CACNA1C: variants seen among roughly 807,000 people sequenced by gnomAD.
CACNA1C encodes voltage-dependent L-type calcium channel subunit alpha-1C.
CACNA1C carries 30 observed loss-of-function variants against 229.0 expected under a neutral mutation model. The observed-to-expected ratio is 0.13, with a 90% CI of 0.10 to 0.18. The LOEUF (loss-of-function observed/expected upper bound fraction) is 0.18. Among genes scored for constraint, CACNA1C ranks in the 10% least tolerant of loss-of-function variants. CACNA1C has a pLI of 1.00. For missense variants in CACNA1C, 1,658 were observed against 2,845.0 expected (o/e 0.58, Z 9.49); for synonymous variants, 1,114 against 1,132.5 (o/e 0.98, Z 0.33).
chr12:1,974,686 G>A (rs16928981), intron 1 of CACNA1C, among the ~76,000 whole-genome samples: 2,300 of 152,066 alleles, frequency 0.015, 58 homozygotes, highest in African/African-American at 0.053. Context: ...TATTCTAGTC[G>A]CGTTTGATAA....
chr12:2,226,441 CCT>C (rs1241733965), intron 3 of CACNA1C, among the ~76,000 whole-genome samples: 15 of 152,208 alleles, frequency 9.9e-5, no homozygotes, highest in African/African-American at 3.6e-4. Context: ...ACTGTAATAC[CCT>C]GACTTTCTCT....
chr12:2,504,419 T>A lies in CACNA1C; in HGVS notation c.1114-423T>A. On this transcript the variant is annotated intron_variant, in intron 7 of 46. Coordinates refer to ENST00000399655, the MANE Select transcript of CACNA1C (RefSeq NM_000719.7). This position sits in a 1 kb window ranked among gnomAD's most constrained non-coding sequence, Gnocchi z 6.8. ...CAATTCTGCTTCTTCTTTCCTAACTTTCCTTCGTCTTTCCAGATGCAGGAC... is the reference window on the plus strand; with the variant it reads ...CAATTCTGCTTCTTCTTTCCTAACTATCCTTCGTCTTTCCAGATGCAGGAC... 1 of 1,466,630 alleles carries A rather than the reference T, an allele frequency of 6.8e-7. No individual in the cohort carries two copies. Among genetic ancestry groups the A allele is most frequent in the South Asian group, 1.1e-5 (1 of 87,998 alleles). The allele number at this position is 1,466,630 out of a possible 1,614,324, so 90.9% of individuals were successfully genotyped here.
At chr12:2,452,250 T>C (rs1298962706) in intron 4 of CACNA1C, among the ~76,000 whole-genome samples, 1 of 151,962 alleles carries the variant, frequency 6.6e-6, no homozygotes, top group Admixed American at 6.6e-5. Flanking sequence ...GGCATTTCTT[T>C]CCTTCCTAAA....
chr12:2,076,124 C>T (rs1019167670), intron 1 of CACNA1C, among the ~76,000 whole-genome samples: 3 of 152,148 alleles, frequency 2.0e-5, no homozygotes, highest in Admixed American at 6.5e-5. Context: ...AAACAAGACT[C>T]GCCTGGATCT....
At chr12:2,169,621 G>A (rs2096392959) in intron 3 of CACNA1C, among the ~76,000 whole-genome samples, 1 of 152,204 alleles carries the variant, frequency 6.6e-6, no homozygotes, top group South Asian at 2.1e-4. Context: ...CCAGAAAGTG[G>A]AACATGTGGT....
intron 3 of CACNA1C, among the ~76,000 whole-genome samples, chr12:2,424,313 G>A (rs1022496352): frequency 6.6e-6 from 1 of 152,142 alleles, no homozygotes; most frequent in African/African-American, 2.4e-5. Flanking sequence ...GAGGTCCAGA[G>A]AAGAGGCAGA....
chr12:2,255,071 C>T (rs2076890786), intron 3 of CACNA1C, among the ~76,000 whole-genome samples: 1 of 152,124 alleles, frequency 6.6e-6, no homozygotes, highest in Non-Finnish European at 1.5e-5. Context: ...GCAGATGCCA[C>T]GGCTGTGGAT....
chr12:2,246,296 A>AT (rs1337549779), intron 3 of CACNA1C, among the ~76,000 whole-genome samples: 2 of 152,192 alleles, frequency 1.3e-5, no homozygotes, highest in African/African-American at 4.8e-5. Context: ...TGCCCAGCAG[A>AT]TGAGAGTGGA....
At chr12:2,047,941 C>T (rs994370062) in intron 1 of CACNA1C, among the ~76,000 whole-genome samples, 6 of 152,154 alleles carry the variant, frequency 3.9e-5, no homozygotes, top group African/African-American at 1.4e-4. Context: ...CCCTTGTTTG[C>T]CTTTCACCAC....
chr12:2,346,136 C>T lies in CACNA1C; in HGVS notation c.478-102840C>T, dbSNP rs541866268. ...CAGGAGCCTTCCCAAGACCTGGATC[C>T]GCTGCAAGGTGATAGCCGTGGCTTG... is the stretch of plus-strand genomic sequence containing the variant. On this transcript the variant is annotated intron_variant, in intron 3 of 46. Coordinates refer to ENST00000399655, the MANE Select transcript of CACNA1C (RefSeq NM_000719.7). This position sits in a 1 kb window ranked among gnomAD's most constrained non-coding sequence, Gnocchi z 4.4. Among the ~76,000 whole-genome samples, 2 of 152,094 alleles carry T rather than the reference C, an allele frequency of 1.3e-5. No homozygotes were observed. The highest frequency in any genetic ancestry group is 2.9e-5 in the Non-Finnish European group (2 of 68,026).
chr12:2,391,304 T>C (rs1041987916), intron 3 of CACNA1C, among the ~76,000 whole-genome samples: 1 of 152,200 alleles, frequency 6.6e-6, no homozygotes, highest in African/African-American at 2.4e-5. Context: ...GACAGATTCA[T>C]GTCAGAAATA....
rs532624758 is a variant in CACNA1C at position 2,566,876 on chromosome 12, A to G, written c.1669+294A>G. 2.6e-5 allele frequency among the ~76,000 whole-genome samples: 4 copies of G among 152,318 alleles called. No individual in the cohort carries two copies. Among genetic ancestry groups the G allele is most frequent in the Non-Finnish European group, 4.4e-5 (3 of 68,024 alleles). ...GAAAGGGGCTGCAGCTTGTTTGCCTATCTCAGACTCCTGGCTGCCAACTCC... is the reference window on the plus strand; with the variant it reads ...GAAAGGGGCTGCAGCTTGTTTGCCTGTCTCAGACTCCTGGCTGCCAACTCC... On this transcript the variant is annotated intron_variant, in intron 12 of 46. Transcript: ENST00000399655. This position sits in a 1 kb window ranked among gnomAD's most constrained non-coding sequence, Gnocchi z 4.0.
rs979059926 is a variant in CACNA1C, at chr12:2,286,383, T to C, written c.478-162593T>C. 7.9e-4 allele frequency among the ~76,000 whole-genome samples: 120 copies of C among 152,230 alleles called. 1 individual carries two copies. The highest frequency in any genetic ancestry group is 2.8e-3 in the African/African-American group (118 of 41,526). On this transcript the variant is annotated intron_variant, in intron 3 of 46. Coordinates refer to ENST00000399655, the MANE Select transcript of CACNA1C (RefSeq NM_000719.7). ...GGCTAGTATTCCTAGAACATAATACTTGAAAGTGGAGCGAGCGGGTGAAAA... is the reference window on the plus strand; with the variant it reads ...GGCTAGTATTCCTAGAACATAATACCTGAAAGTGGAGCGAGCGGGTGAAAA...
At chr12:2,481,144 G>A (rs1404673945) in intron 5 of CACNA1C, among the ~76,000 whole-genome samples, 2 of 152,148 alleles carry the variant, frequency 1.3e-5, no homozygotes, top group Non-Finnish European at 2.9e-5. Flanking sequence ...CTGGGGCCCT[G>A]AGCAGAACAC....
chr12:2,429,061 G>T (rs556942280), intron 3 of CACNA1C, among the ~76,000 whole-genome samples: 76 of 152,076 alleles, frequency 5.0e-4, no homozygotes, highest in African/African-American at 1.7e-3. Flanking sequence ...CTTTCTTTTC[G>T]CTTTTGGTGT....
At chr12:2,228,895 T>C (rs2063839479) in intron 3 of CACNA1C, among the ~76,000 whole-genome samples, 1 of 152,048 alleles carries the variant, frequency 6.6e-6, no homozygotes, top group Non-Finnish European at 1.5e-5. Context: ...TCTCTAACAG[T>C]GAGTGATTGA....
At chr12:1,983,250 TTTCTC>T (rs754324957) in intron 1 of CACNA1C, among the ~76,000 whole-genome samples, 16 of 151,966 alleles carry the variant, frequency 1.1e-4, no homozygotes, top group Non-Finnish European at 2.4e-4. Flanking sequence ...ATCTCATTGA[TTTCTC>T]TTCTTTTTAT....
intron 3 of CACNA1C, among the ~76,000 whole-genome samples, chr12:2,230,033 C>T (rs2064329873): frequency 6.6e-6 from 1 of 152,216 alleles, no homozygotes; most frequent in Non-Finnish European, 1.5e-5. Context: ...CTGAGAACTG[C>T]CTTAAGCTCC....
In CACNA1C at chr12:2,610,535, TC is replaced by T; in HGVS notation, c.3559-3del. 1.2e-6 allele frequency: 2 copies of T among 1,609,508 alleles called. No individual in the cohort carries two copies. The highest frequency in any genetic ancestry group is 2.2e-5 in the South Asian group (2 of 90,588). On this transcript the variant is annotated splice_region_variant and splice_polypyrimidine_tract_variant and intron_variant, in intron 27 of 46. Coordinates refer to ENST00000399655, the MANE Select transcript of CACNA1C (RefSeq NM_000719.7). ...CCACTCTCCCCATCCTCCACCACCCTCCCAGCGACAGTGCGTGGAATACGCC... is the reference window on the plus strand; with the variant it reads ...CCACTCTCCCCATCCTCCACCACCCTCCAGCGACAGTGCGTGGAATACGCC...
Sources: gnomAD v4.1 joint callset for allele counts (sites outside exome capture counted in the v4.1 genomes callset) on GRCh38, gnomAD v4.1.1 for gene constraint, Gnocchi (gnomAD v3.1) non-coding constraint, MANE v1.5 for transcripts, NCBI Gene and HGNC (gene_info 2026-07-23, HGNC 2026-07-21) for gene names.